The following APBA2 variants were observed in gnomAD, a reference collection of about 807,000 sequenced individuals.
The protein encoded by APBA2 is amyloid-beta A4 precursor protein-binding family A member 2.
APBA2 carries 30 observed loss-of-function variants against 75.0 expected under a neutral mutation model. The observed-to-expected ratio is 0.40, with a 90% confidence interval of 0.30 to 0.54. The LOEUF is 0.54. APBA2 is among the 20% of genes least tolerant of loss of function. The pLI, the probability that APBA2 is intolerant of heterozygous loss-of-function variation, is 0.49. For synonymous variants in APBA2, 444 were observed against 409.6 expected, an observed-to-expected ratio of 1.08 and a Z score of -1.01; for missense variants, 801 against 1,016.1, an observed-to-expected ratio of 0.79 and a Z score of 2.88.
At chr15:28,916,691 A>G (rs1244772703) in intron 1 of APBA2, among the ~76,000 whole-genome samples, 1 of 152,122 alleles carries the variant, frequency 6.6e-6, no homozygotes, top group Non-Finnish European at 1.5e-5. Flanking sequence ...TAGCTCACTT[A>G]CCATTTTCCC....
chr15:28,992,477 T>C (rs60701466), intron 2 of APBA2, among the ~76,000 whole-genome samples: 4,822 of 152,336 alleles, frequency 0.032, 222 homozygotes, highest in East Asian at 0.2. Flanking sequence ...ATGATGGCAG[T>C]TGAAGTGGTA....
chr15:29,084,699 C>T (rs2043213755), intron 6 of APBA2, among the ~76,000 whole-genome samples: 1 of 152,204 alleles, frequency 6.6e-6, no homozygotes, highest in African/African-American at 2.4e-5. Flanking sequence ...TGAGATTGGT[C>T]AATGCATTTC....
At chr15:29,058,365 G>C (rs994788699) in intron 4 of APBA2, among the ~76,000 whole-genome samples, 1 of 152,048 alleles carries the variant, frequency 6.6e-6, no homozygotes, top group Non-Finnish European at 1.5e-5. Flanking sequence ...ATAAAAATTA[G>C]ATGGGCATGG....
chr15:29,002,012 G>A (rs906522193), intron 3 of APBA2, among the ~76,000 whole-genome samples: 1 of 152,160 alleles, frequency 6.6e-6, no homozygotes, highest in Non-Finnish European at 1.5e-5. Flanking sequence ...GATTCCCAGC[G>A]GATGTTCTTG....
In APBA2 at chr15:29,101,656, A is replaced by G. The variant is rs2044130360; in HGVS notation, c.1396A>G (p.Ile466Val). The G allele has an allele frequency of 6.2e-7, 1 of 1,613,750 alleles. No individual in the cohort carries two copies. Among genetic ancestry groups the G allele is most frequent in the East Asian group, 2.2e-5 (1 of 44,880 alleles). Residue 466 changes from isoleucine to valine, a missense_variant, in exon 10 of 15, where the codon ATT becomes GTT. Around this residue, in one of 2 missense-constraint regions of APBA2, gnomAD observed 367 missense variants for 544.5 expected, o/e 0.67. Transcript: ENST00000683413. ...CTCCTACATCGCCGACATTGGGAAC[A>G]TTGTAGTGCTGATGGCCAGACGCCG... ...TISYIADIGN[I>V]VVLMARRRMP...
intron 3 of APBA2, among the ~76,000 whole-genome samples, chr15:29,027,005 T>G (rs1320534893): frequency 6.6e-6 from 1 of 152,256 alleles, no homozygotes. Context: ...TAGCCAATTT[T>G]AATGGTATGA....
intron 3 of APBA2, among the ~76,000 whole-genome samples, chr15:29,000,423 G>C (rs2038784515): frequency 6.6e-6 from 1 of 152,174 alleles, no homozygotes; most frequent in Admixed American, 6.5e-5. Flanking sequence ...AAAAGAAGTT[G>C]TGGTAAACCC....
intron 4 of APBA2, chr15:29,071,070 CCTGA>C (rs528263244): frequency 7.4e-5 from 34 of 456,694 alleles, no homozygotes; most frequent in Non-Finnish European, 1.1e-4. Flanking sequence ...TTGGAAGCAT[CCTGA>C]CTATGTTGAC....
At chr15:28,895,162 C>A (rs966606154) in intron 1 of APBA2, among the ~76,000 whole-genome samples, 1 of 152,236 alleles carries the variant, frequency 6.6e-6, no homozygotes, top group African/African-American at 2.4e-5. Context: ...TTAACCTGTG[C>A]AGCTCCGCCA....
intron 3 of APBA2, among the ~76,000 whole-genome samples, chr15:29,042,489 AC>A (rs1473843251): frequency 1.3e-5 from 2 of 151,944 alleles, no homozygotes; most frequent in Non-Finnish European, 2.9e-5. Flanking sequence ...CAGTCTCCTG[AC>A]CTTGTGATCC....
At chr15:29,058,586 AG>A (rs905194233) in intron 4 of APBA2, among the ~76,000 whole-genome samples, 1 of 151,838 alleles carries the variant, frequency 6.6e-6, no homozygotes, top group Non-Finnish European at 1.5e-5. Flanking sequence ...AGCCCTCCTG[AG>A]CTGTAGGATG....
chr15:28,889,281 C>T (rs2031973920), intron 1 of APBA2, among the ~76,000 whole-genome samples: 1 of 152,196 alleles, frequency 6.6e-6, no homozygotes, highest in South Asian at 2.1e-4. Flanking sequence ...GGTAGGTGAC[C>T]TCAAGATCAT....
intron 2 of APBA2, among the ~76,000 whole-genome samples, chr15:28,980,170 A>G (rs1278405915): frequency 6.6e-6 from 1 of 152,196 alleles, no homozygotes; most frequent in Non-Finnish European, 1.5e-5. Context: ...GATCTGATTG[A>G]ATTTAATCTG....
intron 1 of APBA2, among the ~76,000 whole-genome samples, chr15:28,909,803 T>G (rs1566790395): frequency 6.6e-6 from 1 of 152,182 alleles, no homozygotes. Context: ...CTGAAGGCCG[T>G]GTGACCACAG....
intron 1 of APBA2, among the ~76,000 whole-genome samples, chr15:28,916,857 G>A (rs1268092450): frequency 2.6e-5 from 4 of 152,118 alleles, no homozygotes; most frequent in Non-Finnish European, 4.4e-5. Context: ...AAAAGATTGC[G>A]GCAATGAAAA....
intron 4 of APBA2, among the ~76,000 whole-genome samples, chr15:29,065,724 G>A (rs2042352686): frequency 6.6e-6 from 1 of 152,170 alleles, no homozygotes; most frequent in Non-Finnish European, 1.5e-5. Flanking sequence ...GACCCAAAGT[G>A]CTGGAGCTGA....
At chr15:28,964,029 C>G (rs1312308817) in intron 2 of APBA2, among the ~76,000 whole-genome samples, 1 of 152,222 alleles carries the variant, frequency 6.6e-6, no homozygotes, top group Non-Finnish European at 1.5e-5. Context: ...ATGCACAGTC[C>G]CTCTTCCATC....
chr15:29,003,701 C>G (rs777635587), intron 3 of APBA2, among the ~76,000 whole-genome samples: 1 of 152,214 alleles, frequency 6.6e-6, no homozygotes, highest in Non-Finnish European at 1.5e-5. Context: ...GCCTGAAGCC[C>G]GCAGGGCAGG....
chr15:29,088,587 A>G lies in APBA2; in HGVS notation c.1070-4488A>G, dbSNP rs558443669. 2.0e-5 allele frequency among the ~76,000 whole-genome samples: 3 copies of G among 152,086 alleles called. No individual in the cohort carries two copies. The South Asian group carries it at 6.2e-4, about 32-fold the overall frequency. Reference sequence around the variant, plus strand: ...AATCCCCATCTGTTGCTGTCTCTCCATTTCCGTTGTCACCCTGTCCGTACC... The same window carrying G: ...AATCCCCATCTGTTGCTGTCTCTCCGTTTCCGTTGTCACCCTGTCCGTACC... On this transcript the variant is annotated intron_variant, in intron 6 of 14. Transcript: ENST00000683413.
Sources: allele counts gnomAD v4.1 joint callset (sites outside exome capture counted in the v4.1 genomes callset), GRCh38; gene constraint gnomAD v4.1.1; regional missense constraint gnomAD v4.1.1; transcripts MANE v1.5; gene names NCBI Gene and HGNC (gene_info 2026-07-23, HGNC 2026-07-21).